TEX11: variants seen among roughly 807,000 people sequenced by gnomAD.
The protein encoded by TEX11 is testis expressed 11, also known as testis-expressed protein 11.
TEX11 carries 7 observed loss-of-function variants against 84.4 expected under a neutral mutation model. The observed-to-expected ratio is 0.08, with a 90% CI of 0.05 to 0.16. The LOEUF (loss-of-function observed/expected upper bound fraction) is 0.16, where lower values mean the gene tolerates loss of function less well. Ranked by LOEUF, TEX11 falls within the 10% of genes least tolerant of loss-of-function variation. The probability of loss-of-function intolerance (pLI) is 1.00; values close to 1 mark genes in which losing one functional copy is unlikely to be tolerated. For missense variants in TEX11, 551 were observed against 660.5 expected, an observed-to-expected ratio of 0.83 and a Z score of 1.82; for synonymous variants, 264 against 222.8, an observed-to-expected ratio of 1.18 and a Z score of -1.64.
Position 70,864,741 on chromosome X carries a change from C to CA in TEX11, c.245-3806dup, listed in dbSNP as rs1158189701. On this transcript the variant is annotated intron_variant, in intron 4 of 29. Coordinates refer to ENST00000374333, the MANE Select transcript of TEX11 (RefSeq NM_031276.3). ...TGGGTGACAGAGCGAGATGCCATCTCAAAAAAAAAAAAAAAAAAGAAAAGA... is the reference window on the plus strand; with the variant it reads ...TGGGTGACAGAGCGAGATGCCATCTCAAAAAAAAAAAAAAAAAAAGAAAAGA... Among the ~76,000 whole-genome samples the CA allele has an allele frequency of 8.7e-3, 313 of 35,785 alleles. 1 individual carries two copies. Among genetic ancestry groups the CA allele is most frequent in the Admixed American group, 0.041 (121 of 2,959 alleles). The allele number at this position is 35,785 out of a possible 115,157, so 31.1% of individuals were successfully genotyped here.
chrX:70,581,220 G>A (rs1424713726), intron 25 of TEX11, among the ~76,000 whole-genome samples: 2 of 106,888 alleles, frequency 1.9e-5, no homozygotes, highest in Non-Finnish European at 3.8e-5. Flanking sequence ...TGCCCAGGCT[G>A]GTCTTGAACT....
chrX:70,627,981 C>T (rs1444184341), intron 18 of TEX11, among the ~76,000 whole-genome samples: 7 of 111,325 alleles, frequency 6.3e-5, no homozygotes, highest in Non-Finnish European at 1.3e-4. Context: ...GTAATCCCAG[C>T]ACTTTGGGAG....
intron 9 of TEX11, among the ~76,000 whole-genome samples, chrX:70,805,426 G>A (rs1463826644): frequency 9.8e-6 from 1 of 102,031 alleles, no homozygotes; most frequent in Non-Finnish European, 2.0e-5. Flanking sequence ...TTTTTGAGAC[G>A]GAGTCTCTCT....
intron 7 of TEX11, among the ~76,000 whole-genome samples, chrX:70,840,197 A>C (rs1408312441): frequency 8.9e-6 from 1 of 111,775 alleles, no homozygotes; most frequent in African/African-American, 3.3e-5. Flanking sequence ...CAAAGTTGAA[A>C]TGAAGGAAAA....
intron 8 of TEX11, among the ~76,000 whole-genome samples, chrX:70,819,273 G>A (rs1031245838): frequency 1.8e-5 from 2 of 111,695 alleles, no homozygotes; most frequent in Non-Finnish European, 3.8e-5. Context: ...TGGAATGCAA[G>A]CATGGTTCAA....
intron 24 of TEX11, among the ~76,000 whole-genome samples, chrX:70,605,198 C>G (rs2089181680): frequency 1.8e-5 from 2 of 111,219 alleles, no homozygotes; most frequent in South Asian, 7.6e-4. Flanking sequence ...GAAGAGATAT[C>G]TAATCTTCTT....
chrX:70,724,379 A>G (rs920350566), intron 12 of TEX11: 6 of 174,198 alleles, frequency 3.4e-5, no homozygotes, highest in African/African-American at 1.6e-4. Context: ...CCGCCGAAAG[A>G]TTCAGTAGTA....
At chrX:70,891,972 G>A (rs745671811) in intron 2 of TEX11, among the ~76,000 whole-genome samples, 6 of 111,318 alleles carry the variant, frequency 5.4e-5, no homozygotes, top group African/African-American at 1.3e-4. Flanking sequence ...CATGTTAAGG[G>A]CAGCCAGAGA....
chrX:70,837,763 T>C (rs2091413960), intron 7 of TEX11, among the ~76,000 whole-genome samples: 1 of 111,785 alleles, frequency 8.9e-6, no homozygotes, highest in Non-Finnish European at 1.9e-5. Context: ...TTTTGGATGA[T>C]GGGAAAGGGG....
intron 28 of TEX11, among the ~76,000 whole-genome samples, chrX:70,536,206 T>C (rs1020637957): frequency 9.0e-6 from 1 of 111,241 alleles, no homozygotes; most frequent in Non-Finnish European, 1.9e-5. Flanking sequence ...TATTAAGTTA[T>C]TTAATACTAA....
intron 9 of TEX11, among the ~76,000 whole-genome samples, chrX:70,746,529 A>G (rs1041791952): frequency 1.9e-4 from 21 of 112,081 alleles, no homozygotes; most frequent in Middle Eastern, 9.2e-3. Flanking sequence ...GTGCCATTTC[A>G]AGAGAAGCAT....
At chrX:70,608,865 G>A (rs1198594043) in intron 22 of TEX11, among the ~76,000 whole-genome samples, 2 of 111,478 alleles carry the variant, frequency 1.8e-5, no homozygotes, top group Non-Finnish European at 3.8e-5. Flanking sequence ...CACAACTAAT[G>A]TCCATTGAGT....
chrX:70,841,276 C>G (rs2091442246), intron 7 of TEX11, among the ~76,000 whole-genome samples: 1 of 111,062 alleles, frequency 9.0e-6, no homozygotes, highest in African/African-American at 3.3e-5. Context: ...TTATAACAAA[C>G]TGTCTCTCAG....
chrX:70,623,535 GATGCAATATC>G (rs1488932388), intron 20 of TEX11, among the ~76,000 whole-genome samples: 1 of 112,079 alleles, frequency 8.9e-6, no homozygotes, highest in Non-Finnish European at 1.9e-5. Context: ...AGGGGGAACA[GATGCAATATC>G]ATAATTCTAT....
chrX:70,875,812 C>T (rs1360281903), intron 3 of TEX11, among the ~76,000 whole-genome samples: 1 of 110,750 alleles, frequency 9.0e-6, no homozygotes, highest in Admixed American at 9.6e-5. Flanking sequence ...ATGTTTTTAA[C>T]ACGGGAAAAT....
intron 8 of TEX11, among the ~76,000 whole-genome samples, chrX:70,814,422 C>T (rs144299152): frequency 2.7e-5 from 3 of 112,269 alleles, no homozygotes; most frequent in East Asian, 2.8e-4. Flanking sequence ...CTCCCAGATA[C>T]GTAAAGCAGT....
chrX:70,529,163 C>A lies in TEX11; in HGVS notation c.2710G>T (p.Val904Leu). ...CCCTTGTTGTTACTCAATGCTTCCA[C>A]AAGCTGACTATACAGCATATTCATC... ...TQMNMLYSQL[V>L]EALSNNKGPV... The change falls in exon 30 of 30, where the codon GTG (valine) becomes TTG (leucine). Residue 904 changes from valine to leucine, a missense_variant. By Grantham distance (32) the Val-to-Leu change is conservative. Transcript: ENST00000374333. The A allele has an allele frequency of 8.3e-7, 1 of 1,207,756 alleles. No homozygotes were observed.
chrX:70,679,785 G>T lies in TEX11; in HGVS notation c.1157-896C>A, dbSNP rs780284537. 1.7e-4 allele frequency among the ~76,000 whole-genome samples: 18 copies of T among 102,912 alleles called. 1 individual carries two copies. The highest frequency in any genetic ancestry group is 1.7e-3 in the Admixed American group (17 of 10,003). The allele number at this position is 102,912 out of a possible 115,157, so 89.4% of individuals were successfully genotyped here. ...CGCCCGTCCGGGAGGGAGGTGGGGGGGTCAGCCCCCCGCCCGGCCAGCCGC... is the reference window on the plus strand; with the variant it reads ...CGCCCGTCCGGGAGGGAGGTGGGGGTGTCAGCCCCCCGCCCGGCCAGCCGC... On this transcript the variant is annotated intron_variant, in intron 14 of 29. Transcript: ENST00000374333.
intron 9 of TEX11, among the ~76,000 whole-genome samples, chrX:70,761,075 A>G (rs2090905680): frequency 1.8e-5 from 2 of 112,051 alleles, no homozygotes; most frequent in African/African-American, 6.5e-5. Flanking sequence ...ATCTCACACC[A>G]GTTAGAATGG....
Sources: gnomAD v4.1 joint callset for allele counts (sites outside exome capture counted in the v4.1 genomes callset) on GRCh38, gnomAD v4.1.1 for gene constraint, MANE v1.5 for transcripts, NCBI Gene and HGNC (gene_info 2026-07-23, HGNC 2026-07-21) for gene names.